The following PLEKHD1 variants were observed in gnomAD, a reference collection of about 807,000 sequenced individuals.
PLEKHD1 encodes pleckstrin homology and coiled-coil domain containing D1.
In PLEKHD1, 51 loss-of-function variants were observed where a neutral mutation model predicts 69.2. That is an observed-to-expected ratio of 0.74 (90% CI 0.59 to 0.93). PLEKHD1 has a LOEUF of 0.93. Ranked by LOEUF, PLEKHD1 falls within the 40% of genes least tolerant of loss-of-function variation. The probability of loss-of-function intolerance (pLI) is 0.00; values close to 1 mark genes in which losing one functional copy is unlikely to be tolerated. For synonymous variants in PLEKHD1, 236 were observed against 244.7 expected (o/e 0.96, Z 0.33); for missense variants, 584 against 641.0 (o/e 0.91, Z 0.96).
intron 6 of PLEKHD1, among the ~76,000 whole-genome samples, chr14:69,507,127 T>G (rs538575405): frequency 6.6e-6 from 1 of 152,188 alleles, no homozygotes; most frequent in African/African-American, 2.4e-5. Flanking sequence ...CCTGACCTCA[T>G]GATCCCCCCT....
the PLEKHD1 span, among the ~76,000 whole-genome samples, chr14:69,467,882 C>T: frequency 6.6e-6 from 1 of 152,312 alleles, no homozygotes; most frequent in East Asian, 1.9e-4. Flanking sequence ...CTCAGAAGCT[C>T]CTTGGAATTT....
intron 10 of PLEKHD1, 90 bp from the exon 11 acceptor site, chr14:69,527,097 GA>G: frequency 7.0e-7 from 1 of 1,419,492 alleles, no homozygotes; most frequent in South Asian, 1.5e-5. Context: ...CACGCCCATT[GA>G]GCCAGGGGTG....
intron 1 of PLEKHD1, among the ~76,000 whole-genome samples, chr14:69,497,484 C>A (rs188300052): frequency 1.3e-5 from 2 of 152,322 alleles, no homozygotes; most frequent in East Asian, 3.9e-4. Context: ...GCTCTGCTAG[C>A]AAGTGCAGAA....
upstream of PLEKHD1, among the ~76,000 whole-genome samples, chr14:69,483,090 T>C (rs967346975): frequency 2.0e-5 from 3 of 152,140 alleles, no homozygotes; most frequent in Non-Finnish European, 2.9e-5. Flanking sequence ...TCCCACCTGA[T>C]GGAGCCAAGC....
At chr14:69,479,727 A>G (rs1882509799), upstream of PLEKHD1, among the ~76,000 whole-genome samples, 1 of 152,200 alleles carries the variant, frequency 6.6e-6, no homozygotes, top group Admixed American at 6.5e-5. Flanking sequence ...ACGAAAGCCC[A>G]GAGAAGCCCA....
At chr14:69,499,452 G>A (rs1882973321) in intron 1 of PLEKHD1, among the ~76,000 whole-genome samples, 2 of 152,186 alleles carry the variant, frequency 1.3e-5, no homozygotes, top group African/African-American at 4.8e-5. Flanking sequence ...CCAAACATGA[G>A]TCCTGGGAGA....
chr14:69,470,992 C>T, the PLEKHD1 span, among the ~76,000 whole-genome samples: 330 of 150,600 alleles, frequency 2.2e-3, 2 homozygotes, highest in African/African-American at 7.6e-3. Context: ...GGGGTTTCAC[C>T]GTTTTAGCCA....
the PLEKHD1 span, among the ~76,000 whole-genome samples, chr14:69,470,945 C>A: frequency 1.3e-5 from 2 of 152,020 alleles, no homozygotes; most frequent in African/African-American, 4.8e-5. Context: ...GTGCCCACCA[C>A]CATGCCCGGC....
chr14:69,485,013 G>T lies in PLEKHD1; in HGVS notation c.48G>T (p.Glu16Asp). ...SNSVSPSPSL[E>D]QADSDALDIS... ...CGGTGTCGCCCTCGCCGTCCCTGGA[G>T]CAGGCTGACTCGGACGCCCTGGATA... The change falls in exon 1 of 13, where the codon GAG becomes GAT. Residue 16 changes from glutamate (E) to aspartate (D), a missense_variant. Coordinates refer to ENST00000322564, the MANE Select transcript of PLEKHD1 (RefSeq NM_001161498.2). 14 of 1,551,384 alleles carry T rather than the reference G, an allele frequency of 9.0e-6. No individual in the cohort carries two copies. Among genetic ancestry groups the T allele is most frequent in the Non-Finnish European group, 1.2e-5 (14 of 1,146,900 alleles).
At chr14:69,493,939 GGCAGGGGGAA>G (rs1463678593) in intron 1 of PLEKHD1, among the ~76,000 whole-genome samples, 2 of 152,198 alleles carry the variant, frequency 1.3e-5, no homozygotes, top group African/African-American at 2.4e-5. Context: ...TCACACGGGG[GGCAGGGGGAA>G]GCAGCATATG....
At chr14:69,520,496 A>C (rs1346684127) in intron 6 of PLEKHD1, among the ~76,000 whole-genome samples, 2 of 152,168 alleles carry the variant, frequency 1.3e-5, no homozygotes, top group Non-Finnish European at 2.9e-5. Context: ...TGGGAGGCCA[A>C]GGTGGGCAGA....
At chr14:69,520,221 C>T (rs1217784774) in intron 6 of PLEKHD1, among the ~76,000 whole-genome samples, 2 of 145,706 alleles carry the variant, frequency 1.4e-5, no homozygotes, top group Non-Finnish European at 3.0e-5. Flanking sequence ...TGTTATTTTC[C>T]AGTGTAAGCC....
At chr14:69,494,620 C>T (rs572699974) in intron 1 of PLEKHD1, among the ~76,000 whole-genome samples, 1 of 152,244 alleles carries the variant, frequency 6.6e-6, no homozygotes, top group South Asian at 2.1e-4. Flanking sequence ...TGCATGAGAA[C>T]AGCTGCAGAA....
upstream of PLEKHD1, among the ~76,000 whole-genome samples, chr14:69,483,928 A>C (rs891358692): frequency 6.6e-6 from 1 of 152,234 alleles, no homozygotes; most frequent in African/African-American, 2.4e-5. Flanking sequence ...CCAACTCCGA[A>C]AGGAGCGGAA....
intron 1 of PLEKHD1, among the ~76,000 whole-genome samples, chr14:69,489,002 TG>T (rs143985978): frequency 0.25 from 36,927 of 149,218 alleles, 5,079 homozygotes; most frequent in Middle Eastern, 0.35. Context: ...ATAAATGAAA[TG>T]ATACACATCA....
intron 4 of PLEKHD1, 124 bp downstream of exon 4, chr14:69,501,071 C>A: frequency 9.7e-7 from 1 of 1,032,514 alleles, no homozygotes; most frequent in South Asian, 1.4e-5. Context: ...TGGGAGATGG[C>A]TAGGGTAGGG....
intron 6 of PLEKHD1, among the ~76,000 whole-genome samples, chr14:69,520,411 G>A (rs987114911): frequency 1.3e-5 from 2 of 152,090 alleles, no homozygotes; most frequent in African/African-American, 4.8e-5. Context: ...AATATAGGGA[G>A]TTTCAAACTT....
rs759346183 is a variant in PLEKHD1, at chr14:69,527,290, G to A, written c.1159G>A (p.Glu387Lys). 6.4e-7 allele frequency: 1 copy of A among 1,551,804 alleles called. No individual in the cohort carries two copies. ...QGLNSKVRNK[E>K]KEERMRADVS... ...GCTGAATTCCAAGGTGCGGAATAAG[G>A]AGAAGGAGGAGAGGATGCGGGCTGA... Residue 387 changes from glutamate (E) to lysine (K), a missense_variant, in exon 11 of 13, where the codon GAG becomes AAG. Transcript: ENST00000322564.
intron 6 of PLEKHD1, among the ~76,000 whole-genome samples, chr14:69,506,281 T>A (rs1883149751): frequency 6.6e-6 from 1 of 152,144 alleles, no homozygotes; most frequent in African/African-American, 2.4e-5. Flanking sequence ...GCAACTTAAG[T>A]CAGACCCAAG....
Sources: allele counts gnomAD v4.1 joint callset (sites outside exome capture counted in the v4.1 genomes callset), GRCh38; gene constraint gnomAD v4.1.1; transcripts MANE v1.5; gene names NCBI Gene and HGNC (gene_info 2026-07-23, HGNC 2026-07-21).